Variants in HIVEP3 observed in about 807,000 individuals in gnomAD.
HIVEP3 encodes the protein HIVEP zinc finger 3, also known as transcription factor HIVEP3.
HIVEP3 carries 49 observed loss-of-function variants against 152.8 expected under a neutral mutation model. That is an observed-to-expected ratio of 0.32 (90% CI 0.26 to 0.41). The LOEUF is 0.41. Among genes scored for constraint, HIVEP3 ranks in the 10% least tolerant of loss-of-function variants. The pLI is 1.00. For synonymous variants in HIVEP3, 1,269 were observed against 1,289.0 expected (o/e 0.98, Z 0.33); for missense variants, 2,790 against 3,103.3 (o/e 0.90, Z 2.40).
chr1:41,708,646 C>T (rs1264368716), intron 1 of HIVEP3, among the ~76,000 whole-genome samples: 1 of 152,172 alleles, frequency 6.6e-6, no homozygotes, highest in African/African-American at 2.4e-5. Flanking sequence ...TCTCATTATC[C>T]TTCTGATATA....
chr1:42,035,099 C>T (rs772553319), intron 1 of HIVEP3, among the ~76,000 whole-genome samples: 24 of 152,206 alleles, frequency 1.6e-4, no homozygotes, highest in Non-Finnish European at 2.6e-4. Context: ...GGGAAAGCAA[C>T]TCACCAATAC....
chr1:41,829,835 T>C (rs1227455480), intron 1 of HIVEP3, among the ~76,000 whole-genome samples: 1 of 152,122 alleles, frequency 6.6e-6, no homozygotes, highest in Non-Finnish European at 1.5e-5. Context: ...TAACTTTCTC[T>C]TATAATTTCC....
intron 2 of HIVEP3, 113 bp downstream of exon 2, chr1:41,700,803 C>T (rs1312570601): frequency 1.9e-5 from 6 of 314,120 alleles, no homozygotes; most frequent in Non-Finnish European, 2.3e-5. Context: ...CTCCATTCTC[C>T]TGCCCGAGGC....
chr1:41,799,772 A>G (rs1650194674), intron 1 of HIVEP3, among the ~76,000 whole-genome samples: 1 of 152,050 alleles, frequency 6.6e-6, no homozygotes, highest in African/African-American at 2.4e-5. Context: ...AGTCCAAAAA[A>G]TGCATGTTAA....
chr1:41,894,678 A>G (rs990351060), intron 1 of HIVEP3, among the ~76,000 whole-genome samples: 18 of 152,154 alleles, frequency 1.2e-4, no homozygotes, highest in Non-Finnish European at 2.2e-4. Flanking sequence ...ATACTCTAAC[A>G]CAATGTTTTC....
intron 5 of HIVEP3, among the ~76,000 whole-genome samples, chr1:41,540,462 G>A (rs538199430): frequency 6.6e-6 from 1 of 152,278 alleles, no homozygotes; most frequent in African/African-American, 2.4e-5. Flanking sequence ...GAAGAACACT[G>A]GGTTGGGGCG....
At chr1:41,789,057 T>C (rs980447795) in intron 1 of HIVEP3, among the ~76,000 whole-genome samples, 2 of 152,178 alleles carry the variant, frequency 1.3e-5, no homozygotes, top group African/African-American at 2.4e-5. Context: ...CCTCACCTGC[T>C]CCTCACAGCA....
chr1:41,643,583 T>TGACAGATA, intron 2 of HIVEP3, among the ~76,000 whole-genome samples: 1 of 152,332 alleles, frequency 6.6e-6, no homozygotes, highest in African/African-American at 2.4e-5. Context: ...GTTACTAAAG[T>TGACAGATA]GACAGATACA....
intron 1 of HIVEP3, among the ~76,000 whole-genome samples, chr1:41,962,653 C>T (rs916738374): frequency 2.0e-5 from 3 of 152,172 alleles, no homozygotes; most frequent in Admixed American, 6.5e-5. Context: ...TGACTTGATT[C>T]TACATTCAAA....
chr1:41,690,682 C>T (rs894968398), intron 2 of HIVEP3, among the ~76,000 whole-genome samples: 2 of 152,188 alleles, frequency 1.3e-5, no homozygotes, highest in Non-Finnish European at 2.9e-5. Flanking sequence ...CTTTGGGAGG[C>T]CGAGGCAGAT....
chr1:41,794,581 AAAC>A (rs1649880498), intron 1 of HIVEP3, among the ~76,000 whole-genome samples: 6 of 134,872 alleles, frequency 4.4e-5, no homozygotes, highest in Non-Finnish European at 1.0e-4. Flanking sequence ...ACACCCTAAC[AAAC>A]AAACAAACAA....
chr1:41,683,192 AG>A (rs1646066235), intron 2 of HIVEP3, among the ~76,000 whole-genome samples: 1 of 152,264 alleles, frequency 6.6e-6, no homozygotes, highest in Non-Finnish European at 1.5e-5. Context: ...GCAGTGGGCA[AG>A]GCCACATCAA....
In HIVEP3 at chr1:41,873,148, C is replaced by G. The variant is rs1270887939; in HGVS notation, c.-801+45265G>C. Among the ~76,000 whole-genome samples the G allele has an allele frequency of 6.6e-6, 1 of 152,238 alleles. No individual in the cohort carries two copies. Among genetic ancestry groups the G allele is most frequent in the Non-Finnish European group, 1.5e-5 (1 of 68,030 alleles). The stretch of plus-strand genomic sequence containing the variant: ...CAGGCAGGGTCTGCTCAGGACTGCT[C>G]TAGCCAGATGCCTCCCCTGGTGTTT... On this transcript the variant is annotated intron_variant, in intron 1 of 8. Coordinates refer to ENST00000372583, the MANE Select transcript of HIVEP3 (RefSeq NM_024503.5). The surrounding 1 kb of genome is among the most constrained non-coding windows in gnomAD (Gnocchi z 4.2).
At chr1:41,970,111 A>G (rs1358405169) in intron 1 of HIVEP3, among the ~76,000 whole-genome samples, 3 of 152,234 alleles carry the variant, frequency 2.0e-5, no homozygotes. Context: ...TAGTTCAACC[A>G]TTGTGGAAGA....
intron 1 of HIVEP3, among the ~76,000 whole-genome samples, chr1:41,782,518 G>A (rs184533843): frequency 2.6e-4 from 39 of 152,268 alleles, no homozygotes; most frequent in African/African-American, 7.7e-4. Flanking sequence ...TGGATCACGA[G>A]GTCAGGAGTT....
At chr1:41,640,131 G>C (rs894944691) in intron 2 of HIVEP3, among the ~76,000 whole-genome samples, 1 of 152,138 alleles carries the variant, frequency 6.6e-6, no homozygotes, top group East Asian at 1.9e-4. Flanking sequence ...GCACTGCAGG[G>C]ACAAGGAAGG....
chr1:41,675,370 C>T (rs897242680), intron 2 of HIVEP3, among the ~76,000 whole-genome samples: 5 of 152,144 alleles, frequency 3.3e-5, no homozygotes, highest in East Asian at 1.9e-4. Context: ...CCACATCCAG[C>T]GGACTCCTCT....
chr1:41,580,977 C>A lies in HIVEP3; in HGVS notation c.3821G>T (p.Gly1274Val). 1.9e-6 allele frequency: 3 copies of A among 1,587,264 alleles called. No individual in the cohort carries two copies. The highest frequency in any genetic ancestry group is 2.3e-5 in the South Asian group (2 of 86,622). The change falls in exon 4 of 9, where the codon GGC (glycine) becomes GTC (valine). Residue 1274 changes from glycine to valine, a missense_variant. By Grantham distance (109) the Gly-to-Val change is moderately radical. This residue lies in a region of HIVEP3 where 1,078 missense variants were observed against 1,165.3 expected (regional missense o/e 0.93). Transcript: ENST00000372583. ...SLAPLATGSAGLSPSTEYSSD... is the reference protein window; with the variant it reads ...SLAPLATGSAVLSPSTEYSSD... ...GCTGTACTCTGTGCTGGGGGAGAGG[C>A]CAGCACTTCCTGTTGCCAGTGGGGC... is the stretch of plus-strand genomic sequence containing the variant.
At chr1:41,879,188 G>A (rs1307237339) in intron 1 of HIVEP3, among the ~76,000 whole-genome samples, 1 of 152,192 alleles carries the variant, frequency 6.6e-6, no homozygotes, top group African/African-American at 2.4e-5. Context: ...CATTGCAGGG[G>A]ACTTGCAGGA....
Sources: allele counts gnomAD v4.1 joint callset (sites outside exome capture counted in the v4.1 genomes callset), GRCh38; gene constraint gnomAD v4.1.1; regional missense constraint gnomAD v4.1.1; non-coding constraint Gnocchi (gnomAD v3.1); transcripts MANE v1.5; gene names NCBI Gene and HGNC (gene_info 2026-07-23, HGNC 2026-07-21).